The following NCOA4 variants were observed in gnomAD, a reference collection of about 807,000 sequenced individuals.
The protein encoded by NCOA4 is nuclear receptor coactivator 4.
Under a neutral mutation model 69.5 loss-of-function variants are expected in NCOA4, and 31 were observed. The observed-to-expected ratio is 0.45, with a 90% CI of 0.34 to 0.60. The LOEUF is 0.60. Ranked by LOEUF, NCOA4 falls within the 20% of genes least tolerant of loss-of-function variation. NCOA4 has a pLI of 0.02. For synonymous variants in NCOA4, 228 were observed against 252.4 expected, an observed-to-expected ratio of 0.90 and a Z score of 0.92; for missense variants, 600 against 719.2, an observed-to-expected ratio of 0.83 and a Z score of 1.90.
chr10:46,026,201 T>C (rs1474321204), intron 1 of NCOA4, among the ~76,000 whole-genome samples: 1 of 152,246 alleles, frequency 6.6e-6, no homozygotes, highest in African/African-American at 2.4e-5. Flanking sequence ...AAAATGTTTC[T>C]AGCACAACTA....
intron 1 of NCOA4, among the ~76,000 whole-genome samples, chr10:46,019,002 A>G (rs1350563771): frequency 2.0e-5 from 3 of 152,348 alleles, no homozygotes; most frequent in Admixed American, 2.0e-4. Flanking sequence ...AAGAGCAGCA[A>G]AACAAACTTT....
In NCOA4 at chr10:46,005,897, G is replaced by A; in HGVS notation, c.*695C>T. 4.8e-6 allele frequency: 1 copy of A among 208,072 alleles called. No individual in the cohort carries two copies. The highest frequency in any genetic ancestry group is 9.8e-6 in the Non-Finnish European group (1 of 102,152). 12.9% of individuals were successfully genotyped at this position (208,072 alleles called of 1,614,324 possible). On this transcript the variant is annotated 3_prime_UTR_variant, in exon 10 of 10. Coordinates refer to ENST00000581486, the MANE Select transcript of NCOA4 (RefSeq NM_001145263.2). ...CTAGAATTACCTCAAAAATAGTCTT[G>A]AAATAATACTGAGTCCTTCTAAAGA...
In NCOA4 at chr10:46,016,545, G is replaced by C. The variant is rs1554923258; in HGVS notation, c.136C>G (p.Arg46Gly). The change falls in exon 2 of 10, where the codon CGA becomes GGA. Residue 46 changes from arginine to glycine, a missense_variant. By Grantham distance (125) the Arg-to-Gly change is moderately radical (BLOSUM62 -2). Transcript: ENST00000581486. ...GAGAAAAGCACATGTCACACCTCTC[G>C]CAAGTTATCTTTAATTTGCTGTTCA... is the stretch of plus-strand genomic sequence containing the variant. ...RAEQQIKDNL[R>G]EVKAQIHSCI... The C allele has an allele frequency of 1.3e-6, 2 of 1,516,376 alleles. No individual in the cohort carries two copies. The highest frequency in any genetic ancestry group is 1.4e-5 in the African/African-American group (1 of 72,462). The allele number at this position is 1,516,376 out of a possible 1,614,324, so 93.9% of individuals were successfully genotyped here.
At chr10:46,023,613 GC>G (rs782076633) in intron 1 of NCOA4, among the ~76,000 whole-genome samples, 2 of 152,216 alleles carry the variant, frequency 1.3e-5, no homozygotes, top group Non-Finnish European at 2.9e-5. Flanking sequence ...GACGCCTGCT[GC>G]CCCCGCCCGG....
Position 46,006,381 on chromosome 10 carries a change from G to C in NCOA4, c.*211C>G. 1 of 545,890 alleles carries C rather than the reference G, an allele frequency of 1.8e-6. No homozygotes were observed. Among genetic ancestry groups the C allele is most frequent in the Admixed American group, 3.0e-5 (1 of 33,194 alleles). 33.8% of individuals were successfully genotyped at this position (545,890 alleles called of 1,614,324 possible). On this transcript the variant is annotated 3_prime_UTR_variant, in exon 10 of 10. Coordinates refer to ENST00000581486, the MANE Select transcript of NCOA4 (RefSeq NM_001145263.2). ...ATACTTCTGTAAGAAGGAGGGAACT[G>C]AATCACCTCAGCATGAATAAACAGC...
intron 1 of NCOA4, among the ~76,000 whole-genome samples, chr10:46,026,805 C>T (rs1279815194): frequency 6.6e-6 from 1 of 152,118 alleles, no homozygotes; most frequent in Non-Finnish European, 1.5e-5. Context: ...GTGAGCTACT[C>T]ACTACTTCAC....
intron 1 of NCOA4, among the ~76,000 whole-genome samples, chr10:46,026,257 GC>G (rs1840153330): frequency 6.6e-6 from 1 of 152,216 alleles, no homozygotes; most frequent in Non-Finnish European, 1.5e-5. Flanking sequence ...CAAGGGTGTT[GC>G]CACTGAAAGT....
chr10:46,026,206 C>A (rs1840151157), intron 1 of NCOA4, among the ~76,000 whole-genome samples: 1 of 152,172 alleles, frequency 6.6e-6, no homozygotes, highest in South Asian at 2.1e-4. Context: ...GTTTCTAGCA[C>A]AACTATTACT....
In NCOA4 at chr10:46,010,808, G is replaced by C. The variant is rs1554921188; in HGVS notation, c.1113C>G (p.Asp371Glu). Residue 371 changes from aspartate to glutamate, a missense_variant, in exon 8 of 10, where the codon GAC becomes GAG. Physicochemically the swap from Asp to Glu is conservative, Grantham distance 45. Transcript: ENST00000581486. ...ENLGNLKCLN[D>E]HLEAKKPLST... ...ACAATGGTTTCTTGGCCTCCAAGTG[G>C]TCATTCAGGCACTTCAGATTGCCCA... The C allele has an allele frequency of 6.2e-7, 1 of 1,613,802 alleles. No homozygotes were observed. The highest frequency in any genetic ancestry group is 8.5e-7 in the Non-Finnish European group (1 of 1,179,876).
chr10:46,007,276 T>C (rs1554920017), intron 9 of NCOA4, among the ~76,000 whole-genome samples: 5 of 152,276 alleles, frequency 3.3e-5, no homozygotes, highest in South Asian at 4.1e-4. Context: ...TTCTCTTCAA[T>C]TTTATGAAGG....
intron 1 of NCOA4, among the ~76,000 whole-genome samples, chr10:46,018,872 T>G (rs1327212070): frequency 6.6e-5 from 10 of 152,188 alleles, no homozygotes; most frequent in Non-Finnish European, 4.4e-5. Flanking sequence ...AAAGGAACTT[T>G]GCCAGGCCTT....
In NCOA4 at chr10:46,016,613, G is replaced by A; in HGVS notation, c.68C>T (p.Ala23Val). ...AATAGCAAGCTCCAAGTCCCTCCGT[G>A]CATCACTACACCTCAAAAGGGGTTC... is the stretch of plus-strand genomic sequence containing the variant. Reference protein sequence around the residue: ...NREPLLRCSDARRDLELAIGG... With the variant: ...NREPLLRCSDVRRDLELAIGG... Residue 23 changes from alanine (A) to valine (V), a missense_variant, in exon 2 of 10, where the codon GCA (alanine) becomes GTA (valine). Physicochemically the swap from Ala to Val is moderately conservative, Grantham distance 64. Transcript: ENST00000581486. 1.3e-6 allele frequency: 2 copies of A among 1,566,206 alleles called. No homozygotes were observed. Among genetic ancestry groups the A allele is most frequent in the Admixed American group, 1.7e-5 (1 of 57,528 alleles).
Position 46,006,240 on chromosome 10 carries a change from C to G in NCOA4, c.*352G>C, listed in dbSNP as rs1309043019. 3.3e-5 allele frequency: 11 copies of G among 329,442 alleles called. No homozygotes were observed. The highest frequency in any genetic ancestry group is 5.7e-5 in the Non-Finnish European group (10 of 175,266). 20.4% of individuals were successfully genotyped at this position (329,442 alleles called of 1,614,324 possible). A position where few individuals can be genotyped will look rare whatever the true frequency, so the allele number is the denominator to read the frequency against. On this transcript the variant is annotated 3_prime_UTR_variant, in exon 10 of 10. Transcript: ENST00000581486. ...AGCTTTAGAATACATCAATATACTT[C>G]GATAAACAAGAGTGTTTTAATGTAC... is the stretch of plus-strand genomic sequence containing the variant.
chr10:46,008,663 C>T (rs1287738347), intron 9 of NCOA4, among the ~76,000 whole-genome samples: 2 of 152,194 alleles, frequency 1.3e-5, no homozygotes, highest in African/African-American at 4.8e-5. Context: ...ATTAAATAAA[C>T]TTAGTGGATA....
intron 1 of NCOA4, chr10:46,019,659 A>G: frequency 3.7e-6 from 1 of 268,980 alleles, no homozygotes; most frequent in Non-Finnish European, 5.7e-6. Context: ...CTCTCAATTC[A>G]ATCACAAGTA....
chr10:46,021,533 C>A (rs1839868294), intron 1 of NCOA4, among the ~76,000 whole-genome samples: 1 of 152,222 alleles, frequency 6.6e-6, no homozygotes, highest in Admixed American at 6.5e-5. Context: ...CTTGCCAACA[C>A]TAGTGATTAA....
intron 1 of NCOA4, among the ~76,000 whole-genome samples, chr10:46,019,995 C>T (rs897813637): frequency 2.6e-5 from 4 of 152,068 alleles, no homozygotes; most frequent in African/African-American, 9.7e-5. Flanking sequence ...AGCCCAGATG[C>T]CAAGAAAGGA....
chr10:46,007,147 A>C (rs1176611139), intron 9 of NCOA4, among the ~76,000 whole-genome samples: 1 of 152,202 alleles, frequency 6.6e-6, no homozygotes, highest in Admixed American at 6.5e-5. Flanking sequence ...CAGATGAATA[A>C]TTTAAAAAGC....
intron 1 of NCOA4, among the ~76,000 whole-genome samples, chr10:46,029,031 TA>T (rs1379463778): frequency 3.0e-5 from 4 of 132,704 alleles, no homozygotes; most frequent in African/African-American, 1.2e-4. Context: ...TATACTGATT[TA>T]ATAAAAAAAA....
Sources: gnomAD v4.1 joint callset for allele counts (sites outside exome capture counted in the v4.1 genomes callset) on GRCh38, gnomAD v4.1.1 for gene constraint, MANE v1.5 for transcripts, NCBI Gene and HGNC (gene_info 2026-07-23, HGNC 2026-07-21) for gene names.